The following HIP1 variants were observed in gnomAD, a reference collection of about 807,000 sequenced individuals.
HIP1 encodes huntingtin-interacting protein 1.
A neutral mutation model predicts 147.6 loss-of-function variants in HIP1; 65 were observed. The ratio of observed to expected loss-of-function variants is 0.44; its 90% confidence interval spans 0.36 to 0.54. HIP1 has a LOEUF of 0.54. Among genes scored for constraint, HIP1 ranks in the 20% least tolerant of loss-of-function variants. The probability of loss-of-function intolerance (pLI) is 0.00; values close to 1 mark genes in which losing one functional copy is unlikely to be tolerated. For missense variants in HIP1, 1,061 were observed against 1,299.6 expected, an observed-to-expected ratio of 0.82 and a Z score of 2.82; for synonymous variants, 479 against 504.0, an observed-to-expected ratio of 0.95 and a Z score of 0.67.
At chr7:75,559,094 A>G (rs1795127230) in intron 14 of HIP1, among the ~76,000 whole-genome samples, 1 of 152,172 alleles carries the variant, frequency 6.6e-6, no homozygotes, top group Non-Finnish European at 1.5e-5. Context: ...CATTTATTCT[A>G]TGGGGGCTTT....
At chr7:75,728,824 G>C (rs553393539) in intron 1 of HIP1, among the ~76,000 whole-genome samples, 116 of 150,178 alleles carry the variant, frequency 7.7e-4, no homozygotes, top group African/African-American at 2.8e-3. Context: ...AGGGACCAGG[G>C]ACCAGGGACG....
At chr7:75,651,124 A>G (rs1798965400) in intron 1 of HIP1, among the ~76,000 whole-genome samples, 1 of 151,894 alleles carries the variant, frequency 6.6e-6, no homozygotes, top group Admixed American at 6.6e-5. Context: ...AGGGAGGGGC[A>G]TGGGGGGACT....
rs369077409 is a variant in HIP1 at position 75,592,347 on chromosome 7, C to A, written c.327+25G>T. On this transcript the variant is annotated intron_variant, in intron 3 of 30. Transcript: ENST00000336926. Reference sequence around the variant, plus strand: ...CCCCACAAGGATCCCTGGCTCCCTGCCACCCCATAGCCCCAGGAACTCACG... The same window carrying A: ...CCCCACAAGGATCCCTGGCTCCCTGACACCCCATAGCCCCAGGAACTCACG... 149 of 1,588,268 alleles carry A rather than the reference C, an allele frequency of 9.4e-5. No homozygotes were observed. The African/African-American group carries it at 1.6e-3, about 17-fold the overall frequency.
intron 1 of HIP1, among the ~76,000 whole-genome samples, chr7:75,670,785 A>AATTTTTTT (rs1799707823): frequency 4.1e-5 from 3 of 72,314 alleles, no homozygotes; most frequent in African/African-American, 6.4e-5. Context: ...GCTAATTAAA[A>AATTTTTTT]CTTTTTTTTT....
chr7:75,579,109 C>T (rs587627139), intron 7 of HIP1, among the ~76,000 whole-genome samples: 10 of 151,954 alleles, frequency 6.6e-5, no homozygotes, highest in South Asian at 2.1e-4. Flanking sequence ...TGAGCCACTG[C>T]GCCCGGCCCC....
chr7:75,735,402 C>T (rs1275816490), intron 1 of HIP1, among the ~76,000 whole-genome samples: 3 of 152,150 alleles, frequency 2.0e-5, no homozygotes, highest in African/African-American at 7.2e-5. Context: ...CCGTTCTTGT[C>T]AAGATTTAAA....
chr7:75,555,212 A>G lies in HIP1; in HGVS notation c.1963+204T>C, dbSNP rs1212309456. On this transcript the variant is annotated intron_variant, in intron 19 of 30. Transcript: ENST00000336926. ...CGGGGGGGCGGGGGGGGGGAAGAAAATACTAAAATACTAGTGTATAGGCAC... is the reference window on the plus strand; with the variant it reads ...CGGGGGGGCGGGGGGGGGGAAGAAAGTACTAAAATACTAGTGTATAGGCAC... Among the ~76,000 whole-genome samples, 15 of 129,458 alleles carry G rather than the reference A, an allele frequency of 1.2e-4. No individual in the cohort carries two copies. In the Admixed American group the frequency reaches 1.2e-3, roughly 10 times the overall value. 84.9% of individuals were successfully genotyped at this position (129,458 alleles called of 152,430 possible). A position where few individuals can be genotyped will look rare whatever the true frequency, so the allele number is the denominator to read the frequency against.
chr7:75,652,665 A>G (rs1799034419), intron 1 of HIP1, among the ~76,000 whole-genome samples: 1 of 152,058 alleles, frequency 6.6e-6, no homozygotes, highest in Non-Finnish European at 1.5e-5. Flanking sequence ...ATGCCCAGCC[A>G]CATGTTAATT....
At position 75,592,188 on chromosome 7, in the gene HIP1, C is replaced by T. The variant is rs955584508; in HGVS notation, c.328-76G>A. 38 of 1,474,430 alleles carry T rather than the reference C, an allele frequency of 2.6e-5. No homozygotes were observed. The African/African-American group carries it at 3.9e-4, about 15-fold the overall frequency. 91.3% of individuals were successfully genotyped at this position (1,474,430 alleles called of 1,614,324 possible). ...CAAAGGGAAGGAGGATGGAGAGAGG[C>T]GGAGGTGAACCTAGGGCAGGGGGAC... On this transcript the variant is annotated intron_variant, in intron 3 of 30. Transcript: ENST00000336926.
intron 1 of HIP1, among the ~76,000 whole-genome samples, chr7:75,662,605 A>G (rs1443421146): frequency 6.6e-6 from 1 of 152,216 alleles, no homozygotes; most frequent in East Asian, 1.9e-4. Context: ...TCCCAGGTTC[A>G]AGTGACTCTC....
chr7:75,636,079 C>T (rs1235740822), intron 1 of HIP1, among the ~76,000 whole-genome samples: 1 of 148,372 alleles, frequency 6.7e-6, no homozygotes, highest in Non-Finnish European at 1.5e-5. Flanking sequence ...TGGTGGCTCA[C>T]GCCTGTAATT....
At chr7:75,609,895 CTTCTT>C (rs1554504520) in intron 1 of HIP1, among the ~76,000 whole-genome samples, 4 of 146,900 alleles carry the variant, frequency 2.7e-5, no homozygotes, top group Middle Eastern at 3.4e-3. Flanking sequence ...TTTCTTTTCT[CTTCTT>C]TTCTTTTTTT....
chr7:75,719,476 A>C (rs1554520940), intron 1 of HIP1, among the ~76,000 whole-genome samples: 5 of 150,830 alleles, frequency 3.3e-5, no homozygotes, highest in Non-Finnish European at 3.0e-5. Context: ...TGCACTCCAG[A>C]CTGGGCGACA....
intron 1 of HIP1, among the ~76,000 whole-genome samples, chr7:75,646,239 C>T (rs1554511088): frequency 6.6e-6 from 1 of 152,136 alleles, no homozygotes; most frequent in Admixed American, 6.6e-5. Context: ...GCCACCACGC[C>T]CGGCTAATTT....
At chr7:75,655,498 CT>C (rs1799116983) in intron 1 of HIP1, among the ~76,000 whole-genome samples, 1 of 151,834 alleles carries the variant, frequency 6.6e-6, no homozygotes, top group Non-Finnish European at 1.5e-5. Context: ...AGGAGAGTCG[CT>C]GAAATCCAGG....
intron 22 of HIP1, among the ~76,000 whole-genome samples, chr7:75,552,201 A>G (rs1479594824): frequency 2.0e-5 from 3 of 151,960 alleles, no homozygotes; most frequent in African/African-American, 7.3e-5. Flanking sequence ...CTATCCTTGT[A>G]TCTTAACCAA....
intron 21 of HIP1, among the ~76,000 whole-genome samples, 164 bp from the exon 22 acceptor site, chr7:75,553,753 G>A (rs587750730): frequency 5.9e-5 from 9 of 152,208 alleles, no homozygotes; most frequent in South Asian, 4.1e-4. Context: ...TTACGGGTGC[G>A]CCACCATGCC....
chr7:75,650,099 A>G (rs1584919470), intron 1 of HIP1, among the ~76,000 whole-genome samples: 1 of 152,076 alleles, frequency 6.6e-6, no homozygotes, highest in Non-Finnish European at 1.5e-5. Context: ...TGGTCTTAGG[A>G]TCTCATGATT....
intron 1 of HIP1, among the ~76,000 whole-genome samples, chr7:75,639,919 C>T (rs1479892416): frequency 2.0e-5 from 3 of 152,178 alleles, no homozygotes; most frequent in African/African-American, 7.2e-5. Flanking sequence ...GAGCGTCCCC[C>T]TCCCACGTGA....
Sources: allele counts gnomAD v4.1 joint callset (sites outside exome capture counted in the v4.1 genomes callset), GRCh38; gene constraint gnomAD v4.1.1; transcripts MANE v1.5; gene names NCBI Gene and HGNC (gene_info 2026-07-23, HGNC 2026-07-21).